PCDH19: variants seen among roughly 807,000 people sequenced by gnomAD.
PCDH19 encodes the protein protocadherin-19.
PCDH19 carries 6 observed loss-of-function variants against 46.2 expected under a neutral mutation model. The ratio of observed to expected loss-of-function variants is 0.13; its 90% CI spans 0.07 to 0.26. The LOEUF (loss-of-function observed/expected upper bound fraction) is 0.26. Among genes scored for constraint, PCDH19 ranks in the 10% least tolerant of loss-of-function variants. PCDH19 has a pLI of 1.00. For missense variants in PCDH19, 740 were observed against 972.3 expected, an observed-to-expected ratio of 0.76 and a Z score of 3.18; for synonymous variants, 481 against 415.7, an observed-to-expected ratio of 1.16 and a Z score of -1.91.
Position 100,403,654 on chromosome X carries a change from T to C in PCDH19, c.2158A>G (p.Thr720Ala). Residue 720 changes from threonine (T) to alanine (A), a missense_variant, in exon 2 of 6, where the codon ACC becomes GCC. This residue lies in a region of PCDH19 where 416 missense variants were observed against 476.8 expected (regional missense o/e 0.87). Transcript: ENST00000373034. ...AAACAGCCGAGGAGACAAGTGATGG[T>C]TAAACAATTACTGCAAAGGAATTTA... Reference protein sequence around the residue: ...IRTYNCSNCLTITCLLGCFIK... With the variant: ...IRTYNCSNCLAITCLLGCFIK... The C allele has an allele frequency of 8.3e-7, 1 of 1,202,403 alleles. No individual in the cohort carries two copies. Among genetic ancestry groups the C allele is most frequent in the East Asian group, 3.0e-5 (1 of 33,702 alleles).
At chrX:100,393,497 TACAC>T (rs57070852) in intron 3 of PCDH19, among the ~76,000 whole-genome samples, 7,691 of 89,945 alleles carry the variant, frequency 0.086, 367 homozygotes, top group East Asian at 0.21. Context: ...CATACATACA[TACAC>T]ACACACACAC....
intron 5 of PCDH19, among the ~76,000 whole-genome samples, chrX:100,309,764 AAAGAC>A (rs1925075647): frequency 8.9e-6 from 1 of 111,897 alleles, no homozygotes; most frequent in Non-Finnish European, 1.9e-5. Flanking sequence ...GATGTTGCCA[AAAGAC>A]AAGACAGAAG....
At chrX:100,298,189 T>C (rs918048548) in intron 5 of PCDH19, among the ~76,000 whole-genome samples, 1 of 111,160 alleles carries the variant, frequency 9.0e-6, no homozygotes, top group Admixed American at 9.6e-5. Flanking sequence ...GTAAATGGCA[T>C]AGCAAAGCAA....
At chrX:100,309,319 G>A (rs769530098) in intron 5 of PCDH19, among the ~76,000 whole-genome samples, 1 of 111,568 alleles carries the variant, frequency 9.0e-6, no homozygotes, top group Non-Finnish European at 1.9e-5. Context: ...GCTAATAAGT[G>A]GGAGCTAAGC....
chrX:100,305,140 A>T (rs937592585), intron 5 of PCDH19, among the ~76,000 whole-genome samples: 1 of 112,360 alleles, frequency 8.9e-6, no homozygotes, highest in African/African-American at 3.2e-5. Context: ...TCTGAAATCA[A>T]GACGAAGAAA....
chrX:100,312,104 T>TGA (rs5903157), intron 5 of PCDH19, among the ~76,000 whole-genome samples: 69 of 103,455 alleles, frequency 6.7e-4, no homozygotes, highest in African/African-American at 1.5e-3. Flanking sequence ...CCTAAAACAT[T>TGA]GAGAGAGAGA....
intron 3 of PCDH19, among the ~76,000 whole-genome samples, chrX:100,363,147 A>G (rs1051228539): frequency 9.0e-6 from 1 of 111,185 alleles, no homozygotes; most frequent in South Asian, 3.8e-4. Context: ...TACTAAAAAT[A>G]CAAAAAATTA....
intron 3 of PCDH19, among the ~76,000 whole-genome samples, chrX:100,379,272 G>A (rs1016137752): frequency 9.5e-6 from 1 of 105,497 alleles, no homozygotes; most frequent in Non-Finnish European, 1.9e-5. Flanking sequence ...AATGAGTCAC[G>A]TAGGGCACCA....
At chrX:100,308,447 G>A (rs1396602461) in intron 5 of PCDH19, among the ~76,000 whole-genome samples, 6 of 111,218 alleles carry the variant, frequency 5.4e-5, no homozygotes, top group African/African-American at 2.0e-4. Context: ...AGGTAACATC[G>A]GAAAAACTCT....
rs1466870583 is a variant in PCDH19, at chrX:100,325,379, T to TC, written c.2848+16523_2848+16524insG. ...AGGGACTATAATGATCTTTTTTTTT[T>TC]TTTTTTTTTGAGACGGAGTCTCACT... On this transcript the variant is annotated intron_variant, in intron 5 of 5. Coordinates refer to ENST00000373034, the MANE Select transcript of PCDH19 (RefSeq NM_001184880.2). Among the ~76,000 whole-genome samples the TC allele has an allele frequency of 2.9e-5, 3 of 103,886 alleles. No homozygotes were observed. The Admixed American group carries it at 3.1e-4, about 11-fold the overall frequency. 90.2% of individuals were successfully genotyped at this position (103,886 alleles called of 115,157 possible).
intron 5 of PCDH19, among the ~76,000 whole-genome samples, chrX:100,305,670 G>C (rs1265188554): frequency 9.0e-6 from 1 of 111,684 alleles, no homozygotes; most frequent in Admixed American, 9.5e-5. Context: ...CTGTCTTCAG[G>C]AGACTCAACT....
In PCDH19 at chrX:100,326,678, C is replaced by T. The variant is rs188736242; in HGVS notation, c.2848+15225G>A. The stretch of plus-strand genomic sequence containing the variant: ...AGTGCTCAAGAATATGTATATTTTG[C>T]AATGTAAATGAACACAACCTCTTTT... On this transcript the variant is annotated intron_variant, in intron 5 of 5. Coordinates refer to ENST00000373034, the MANE Select transcript of PCDH19 (RefSeq NM_001184880.2). 2.2e-4 allele frequency among the ~76,000 whole-genome samples: 25 copies of T among 111,910 alleles called. No individual in the cohort carries two copies. The East Asian group carries it at 4.8e-3, about 21-fold the overall frequency.
At chrX:100,361,643 G>T (rs911063085) in intron 3 of PCDH19, among the ~76,000 whole-genome samples, 3 of 111,715 alleles carry the variant, frequency 2.7e-5, no homozygotes, top group Non-Finnish European at 3.8e-5. Context: ...TAATCCCCCT[G>T]CTGCCTTTAT....
intron 3 of PCDH19, among the ~76,000 whole-genome samples, chrX:100,362,934 G>C (rs1926934803): frequency 9.0e-6 from 1 of 110,925 alleles, no homozygotes; most frequent in Non-Finnish European, 1.9e-5. Context: ...GATGAAAATA[G>C]AAAAAGTTCT....
At chrX:100,363,349 C>A (rs1269224336) in intron 3 of PCDH19, among the ~76,000 whole-genome samples, 1 of 107,690 alleles carries the variant, frequency 9.3e-6, no homozygotes, top group African/African-American at 3.4e-5. Flanking sequence ...CAAATACCTT[C>A]TAGGGGATTT....
chrX:100,383,502 A>G (rs1283901551), intron 3 of PCDH19, among the ~76,000 whole-genome samples: 1 of 112,483 alleles, frequency 8.9e-6, no homozygotes, highest in African/African-American at 3.2e-5. Flanking sequence ...CCCACTCAAA[A>G]TAACAGTGAA....
At chrX:100,384,688 A>G (rs1393810882) in intron 3 of PCDH19, among the ~76,000 whole-genome samples, 2 of 111,488 alleles carry the variant, frequency 1.8e-5, no homozygotes, top group African/African-American at 3.3e-5. Context: ...CATTGTTTCC[A>G]TTGTTGCTAT....
chrX:100,393,868 T>G (rs895079440), intron 3 of PCDH19, among the ~76,000 whole-genome samples: 18 of 111,588 alleles, frequency 1.6e-4, no homozygotes, highest in African/African-American at 5.5e-4. Context: ...CATCTAACAT[T>G]AAGAAGCCAA....
At position 100,308,249 on chromosome X, in the gene PCDH19, C is replaced by T. The variant is rs551325225; in HGVS notation, c.2849-11374G>A. ...CAGGAATAAAGGTAAATACAGCCAA[C>T]TGATCTTCAACAAAGCAAACAAAAA... On this transcript the variant is annotated intron_variant, in intron 5 of 5. Coordinates refer to ENST00000373034, the MANE Select transcript of PCDH19 (RefSeq NM_001184880.2). Among the ~76,000 whole-genome samples, 14 of 111,112 alleles carry T rather than the reference C, an allele frequency of 1.3e-4. No homozygotes were observed. In the South Asian group the frequency reaches 4.6e-3, roughly 36 times the overall value.
Sources: allele counts gnomAD v4.1 joint callset (sites outside exome capture counted in the v4.1 genomes callset), GRCh38; gene constraint gnomAD v4.1.1; regional missense constraint gnomAD v4.1.1; transcripts MANE v1.5; gene names NCBI Gene and HGNC (gene_info 2026-07-23, HGNC 2026-07-21).